NEGR1: variants seen among roughly 807,000 people sequenced by gnomAD.
The protein encoded by NEGR1 is neuronal growth regulator 1, also known as IgLON family member 4.
In NEGR1, 10 loss-of-function variants were observed where a neutral mutation model predicts 40.9. The observed-to-expected ratio is 0.24, with a 90% CI of 0.15 to 0.42. NEGR1 has a LOEUF of 0.42. NEGR1 is among the 10% of genes least tolerant of loss of function. The pLI, the probability that NEGR1 is intolerant of heterozygous loss-of-function variation, is 1.00. For missense variants in NEGR1, 352 were observed against 438.9 expected (o/e 0.80, Z 1.77); for synonymous variants, 185 against 166.8 (o/e 1.11, Z -0.84).
At chr1:72,168,102 T>C (rs1651832080) in intron 1 of NEGR1, among the ~76,000 whole-genome samples, 1 of 151,474 alleles carries the variant, frequency 6.6e-6, no homozygotes, top group Non-Finnish European at 1.5e-5. Flanking sequence ...ACCTCCCAGG[T>C]TCAAGGGTTC....
intron 1 of NEGR1, among the ~76,000 whole-genome samples, chr1:71,967,876 T>C (rs1271228918): frequency 6.6e-6 from 1 of 152,178 alleles, no homozygotes; most frequent in East Asian, 1.9e-4. Context: ...GCAGTGCCAA[T>C]ATGCAGTATT....
chr1:71,732,491 G>GCT (rs1342975972), intron 3 of NEGR1, among the ~76,000 whole-genome samples: 5 of 92,486 alleles, frequency 5.4e-5, no homozygotes, highest in Non-Finnish European at 1.2e-4. Flanking sequence ...ATTACTGAAT[G>GCT]CTGTGTGTGT....
At chr1:72,221,993 A>G (rs1043316281) in intron 1 of NEGR1, among the ~76,000 whole-genome samples, 8 of 151,782 alleles carry the variant, frequency 5.3e-5, no homozygotes, top group Non-Finnish European at 1.2e-4. Flanking sequence ...GCAAGGGTGG[A>G]CCCAGTGGCC....
At chr1:71,441,351 G>A (rs1646546075) in intron 6 of NEGR1, among the ~76,000 whole-genome samples, 1 of 152,084 alleles carries the variant, frequency 6.6e-6, no homozygotes, top group Admixed American at 6.5e-5. Flanking sequence ...ACTTTTTAAG[G>A]GCCCTCCCAC....
intron 2 of NEGR1, among the ~76,000 whole-genome samples, chr1:71,838,613 G>A (rs1441550661): frequency 6.6e-6 from 1 of 152,046 alleles, no homozygotes; most frequent in East Asian, 1.9e-4. Flanking sequence ...CAAGTCTTTG[G>A]CAGTGAGTGT....
chr1:72,261,145 A>T (rs1208205043), intron 1 of NEGR1, among the ~76,000 whole-genome samples: 2 of 152,096 alleles, frequency 1.3e-5, no homozygotes, highest in South Asian at 4.1e-4. Flanking sequence ...GCCTAAACAG[A>T]TGGCCACAGA....
At chr1:72,192,203 A>G (rs1434797258) in intron 1 of NEGR1, among the ~76,000 whole-genome samples, 1 of 151,752 alleles carries the variant, frequency 6.6e-6, no homozygotes, top group Non-Finnish European at 1.5e-5. Context: ...TTTAATCTGG[A>G]GGGCACTTGT....
chr1:71,935,480 T>G (rs774194486), intron 1 of NEGR1, among the ~76,000 whole-genome samples, 169 bp from the exon 2 acceptor site: 7 of 152,024 alleles, frequency 4.6e-5, no homozygotes, highest in Non-Finnish European at 7.4e-5. Context: ...CCATTCCCAA[T>G]GCAAATGTGA....
At chr1:72,046,097 A>T (rs1646999550) in intron 1 of NEGR1, among the ~76,000 whole-genome samples, 1 of 151,798 alleles carries the variant, frequency 6.6e-6, no homozygotes, top group African/African-American at 2.4e-5. Context: ...TAATGAGGAA[A>T]AACTGTATTT....
At chr1:71,723,479 T>G (rs1420219558) in intron 3 of NEGR1, among the ~76,000 whole-genome samples, 1 of 152,146 alleles carries the variant, frequency 6.6e-6, no homozygotes, top group Non-Finnish European at 1.5e-5. Flanking sequence ...GAATGGTTAA[T>G]GATTTAATCA....
At chr1:71,979,290 G>C (rs556518207) in intron 1 of NEGR1, among the ~76,000 whole-genome samples, 75 of 152,148 alleles carry the variant, frequency 4.9e-4, no homozygotes, top group Non-Finnish European at 3.5e-4. Context: ...GACATAATCT[G>C]TACAATGAAC....
intron 1 of NEGR1, among the ~76,000 whole-genome samples, chr1:72,062,424 T>C (rs1647193525): frequency 1.3e-5 from 2 of 151,954 alleles, no homozygotes; most frequent in Non-Finnish European, 2.9e-5. Flanking sequence ...CTATATCTTG[T>C]ACTACATGCA....
At chr1:71,888,309 G>C (rs1032391096) in intron 2 of NEGR1, among the ~76,000 whole-genome samples, 2 of 152,068 alleles carry the variant, frequency 1.3e-5, no homozygotes, top group Non-Finnish European at 2.9e-5. Context: ...GAGGTACCGG[G>C]TTCATCTCAC....
chr1:72,170,199 G>T (rs1431357942), intron 1 of NEGR1, among the ~76,000 whole-genome samples: 2 of 152,124 alleles, frequency 1.3e-5, no homozygotes, highest in Non-Finnish European at 2.9e-5. Flanking sequence ...TTGAATGAAG[G>T]AATAAATGCT....
At chr1:72,042,961 G>C (rs1298457804) in intron 1 of NEGR1, among the ~76,000 whole-genome samples, 1 of 151,968 alleles carries the variant, frequency 6.6e-6, no homozygotes, top group African/African-American at 2.4e-5. Context: ...CTACAGAGTT[G>C]CATGTTTTCA....
At chr1:72,143,896 T>TTATATATG (rs1557548378) in intron 1 of NEGR1, among the ~76,000 whole-genome samples, 2 of 66,526 alleles carry the variant, frequency 3.0e-5, no homozygotes, top group Non-Finnish European at 6.5e-5. Context: ...ATATATATAT[T>TTATATATG]ATATATATGA....
intron 2 of NEGR1, among the ~76,000 whole-genome samples, chr1:71,808,372 G>C (rs954119892): frequency 4.6e-5 from 7 of 152,048 alleles, no homozygotes; most frequent in Admixed American, 2.6e-4. Context: ...ATAGATGGTG[G>C]AGATGAAAAC....
At chr1:72,257,511 G>A (rs1655314341) in intron 1 of NEGR1, among the ~76,000 whole-genome samples, 1 of 152,002 alleles carries the variant, frequency 6.6e-6, no homozygotes, top group Admixed American at 6.6e-5. Context: ...GTAACATGTT[G>A]ATATGTGTGT....
chr1:72,053,404 C>T (rs1244142395), intron 1 of NEGR1, among the ~76,000 whole-genome samples: 3 of 150,092 alleles, frequency 2.0e-5, no homozygotes, highest in African/African-American at 4.9e-5. Context: ...CTTTAAATTA[C>T]AAAAATATAC....
Sources: allele counts gnomAD v4.1 joint callset (sites outside exome capture counted in the v4.1 genomes callset), GRCh38; gene constraint gnomAD v4.1.1; transcripts MANE v1.5; gene names NCBI Gene and HGNC (gene_info 2026-07-23, HGNC 2026-07-21).